SLC39A9: variants seen among roughly 807,000 people sequenced by gnomAD.
The protein encoded by SLC39A9 is zinc transporter ZIP9.
A neutral mutation model predicts 28.4 loss-of-function variants in SLC39A9; 14 were observed. The observed-to-expected ratio is 0.49, with a 90% CI of 0.33 to 0.77. The LOEUF (loss-of-function observed/expected upper bound fraction) is 0.77. Among genes scored for constraint, SLC39A9 ranks in the 30% least tolerant of loss-of-function variants. The probability of loss-of-function intolerance (pLI) is 0.02; values close to 1 mark genes in which losing one functional copy is unlikely to be tolerated. For missense variants in SLC39A9, 283 were observed against 381.1 expected (o/e 0.74, Z 2.14); for synonymous variants, 119 against 149.6 (o/e 0.80, Z 1.49).
intron 2 of SLC39A9, among the ~76,000 whole-genome samples, chr14:69,435,503 C>A (rs1251168562): frequency 6.6e-6 from 1 of 152,128 alleles, no homozygotes; most frequent in Admixed American, 6.5e-5. Flanking sequence ...AGTTTGACAA[C>A]CTCTGTCTTC....
intron 1 of SLC39A9, 103 bp downstream of exon 1, chr14:69,399,568 G>T: frequency 3.7e-6 from 3 of 813,008 alleles, no homozygotes; most frequent in Non-Finnish European, 6.1e-6. Flanking sequence ...AAAGCTGAAG[G>T]TCTCATTAAG....
chr14:69,416,998 G>A (rs1308606663), intron 1 of SLC39A9, among the ~76,000 whole-genome samples: 2 of 152,140 alleles, frequency 1.3e-5, no homozygotes, highest in East Asian at 3.8e-4. Flanking sequence ...TGTCTATTTT[G>A]ACTTTTGTTG....
chr14:69,447,020 T>C lies in SLC39A9; in HGVS notation c.403+4754T>C, dbSNP rs898196008. 3.3e-5 allele frequency among the ~76,000 whole-genome samples: 5 copies of C among 151,250 alleles called. No homozygotes were observed. The East Asian group carries it at 5.8e-4, about 18-fold the overall frequency. On this transcript the variant is annotated intron_variant, in intron 3 of 6. Coordinates refer to ENST00000336643, the MANE Select transcript of SLC39A9 (RefSeq NM_018375.5). ...ATAGTAGAATGCTCCAATTATTAAA[T>C]GTAGAAAGAGTGCTGGAGTTGGAAA...
chr14:69,453,512 T>C (rs528370008), intron 4 of SLC39A9, among the ~76,000 whole-genome samples: 61 of 152,092 alleles, frequency 4.0e-4, no homozygotes, highest in South Asian at 8.3e-4. Flanking sequence ...TTCTATACTT[T>C]TTAATGGTTT....
rs933701425 is a variant in SLC39A9, at chr14:69,460,201, T to C, written c.*1608T>C. On this transcript the variant is annotated 3_prime_UTR_variant, in exon 7 of 7. Coordinates refer to ENST00000336643, the MANE Select transcript of SLC39A9 (RefSeq NM_018375.5). Reference sequence around the variant, plus strand: ...CTTCAGGGCAGTGGACGTAGTAGTTTGTAAAAACGTTTTCTATGACGCATA... The same window carrying C: ...CTTCAGGGCAGTGGACGTAGTAGTTCGTAAAAACGTTTTCTATGACGCATA... 7.1e-6 allele frequency: 7 copies of C among 985,774 alleles called. No homozygotes were observed. The South Asian group carries it at 2.8e-4, about 40-fold the overall frequency. The allele number at this position is 985,774 out of a possible 1,614,324, so 61.1% of individuals were successfully genotyped here.
rs531098197 is a variant in SLC39A9, at chr14:69,448,058, C to CA, written c.404-5176dup. Reference sequence around the variant, plus strand: ...TGAAACCTCGTCTCTACTAAAAATACAAAAAAATTAGCCAGGCGTGTTGGC... The same window carrying CA: ...TGAAACCTCGTCTCTACTAAAAATACAAAAAAAATTAGCCAGGCGTGTTGGC... On this transcript the variant is annotated intron_variant, in intron 3 of 6. Coordinates refer to ENST00000336643, the MANE Select transcript of SLC39A9 (RefSeq NM_018375.5). Among the ~76,000 whole-genome samples the CA allele has an allele frequency of 1.5e-3, 225 of 151,304 alleles. 2 individuals carry two copies. Among genetic ancestry groups the CA allele is most frequent in the Middle Eastern group, 0.01 (3 of 294 alleles).
chr14:69,453,698 G>A (rs1052641289), intron 4 of SLC39A9, among the ~76,000 whole-genome samples: 1 of 152,182 alleles, frequency 6.6e-6, no homozygotes, highest in East Asian at 1.9e-4. Flanking sequence ...GTTTGTTTGA[G>A]TGATGAAAAT....
chr14:69,417,287 G>T (rs1883628717), intron 1 of SLC39A9, among the ~76,000 whole-genome samples: 1 of 152,260 alleles, frequency 6.6e-6, no homozygotes, highest in South Asian at 2.1e-4. Context: ...GTTTGTAGAT[G>T]TGTGGTGTTA....
At chr14:69,400,489 A>C (rs1882573676) in intron 1 of SLC39A9, among the ~76,000 whole-genome samples, 1 of 152,228 alleles carries the variant, frequency 6.6e-6, no homozygotes, top group Non-Finnish European at 1.5e-5. Flanking sequence ...GGGGGGAAAA[A>C]CTACTACATT....
chr14:69,458,859 T>A lies in SLC39A9; in HGVS notation c.*266T>A. ...ACATTTTGCGTTTTAATATTTCTCT[T>A]AACCCTATTCTCAGGGAAGATGGAA... On this transcript the variant is annotated 3_prime_UTR_variant, in exon 7 of 7. Coordinates refer to ENST00000336643, the MANE Select transcript of SLC39A9 (RefSeq NM_018375.5). 8.4e-7 allele frequency: 1 copy of A among 1,196,272 alleles called. No homozygotes were observed. The highest frequency in any genetic ancestry group is 3.7e-5 in the East Asian group (1 of 27,394). 74.1% of individuals were successfully genotyped at this position (1,196,272 alleles called of 1,614,324 possible). A position where few individuals can be genotyped will look rare whatever the true frequency, so the allele number is the denominator to read the frequency against.
At chr14:69,415,232 T>G (rs1230418419) in intron 1 of SLC39A9, among the ~76,000 whole-genome samples, 1 of 152,268 alleles carries the variant, frequency 6.6e-6, no homozygotes, top group Non-Finnish European at 1.5e-5. Flanking sequence ...TGTACCATTT[T>G]ATGCTGCCAC....
intron 2 of SLC39A9, chr14:69,428,672 A>G (rs551345325): frequency 1.3e-5 from 2 of 152,764 alleles, no homozygotes; most frequent in East Asian, 3.9e-4. Flanking sequence ...GAATTGTAAC[A>G]GAAGATGAAA....
rs532639007 is a variant in SLC39A9 at position 69,416,687 on chromosome 14, C to T, written c.97-7407C>T. Among the ~76,000 whole-genome samples the T allele has an allele frequency of 1.8e-3, 277 of 152,278 alleles. 1 individual carries two copies. The highest frequency in any genetic ancestry group is 3.0e-3 in the Non-Finnish European group (206 of 68,008). On this transcript the variant is annotated intron_variant, in intron 1 of 6. Transcript: ENST00000336643. ...TTCTAACTGGTGTGAGATGGTATCT[C>T]ATTGTGGTTTTGATTTGCATTTCTC...
Position 69,407,319 on chromosome 14 carries a change from CCTTCCTTCCTTT to C in SLC39A9, c.96+7871_96+7882del, listed in dbSNP as rs773105504. 1.5e-3 allele frequency among the ~76,000 whole-genome samples: 228 copies of C among 149,456 alleles called. 1 individual carries two copies. Among genetic ancestry groups the C allele is most frequent in the Middle Eastern group, 3.4e-3 (1 of 294 alleles). On this transcript the variant is annotated intron_variant, in intron 1 of 6. Transcript: ENST00000336643. ...CCTTCCTTCCCTTCCTTCCTTCCTT[CCTTCCTTCCTTT>C]CTTCCTTCCTTTCTTCTTTCCTTCC... is the stretch of plus-strand genomic sequence containing the variant.
At position 69,460,148 on chromosome 14, in the gene SLC39A9, T is replaced by C; in HGVS notation, c.*1555T>C. 1 of 985,590 alleles carries C rather than the reference T, an allele frequency of 1.0e-6. No homozygotes were observed. The highest frequency in any genetic ancestry group is 1.2e-6 in the Non-Finnish European group (1 of 829,668). The allele number at this position is 985,590 out of a possible 1,614,324, so 61.1% of individuals were successfully genotyped here. On this transcript the variant is annotated 3_prime_UTR_variant, in exon 7 of 7. Transcript: ENST00000336643. ...CTTTCTATACCATTTCAAAACACAT[T>C]ACACTAAGGGGGAACCAAGACTAGT... is the stretch of plus-strand genomic sequence containing the variant.
intron 1 of SLC39A9, among the ~76,000 whole-genome samples, chr14:69,415,212 C>T (rs900786963): frequency 1.3e-5 from 2 of 152,180 alleles, no homozygotes; most frequent in Non-Finnish European, 2.9e-5. Context: ...TGCTAATTTT[C>T]CAAAGTGGTT....
rs1882471220 is a variant in SLC39A9, at chr14:69,399,036, C to T, written c.-334C>T. The T allele has an allele frequency of 1.1e-5, 3 of 266,022 alleles. No homozygotes were observed. The South Asian group carries it at 1.2e-4, about 11-fold the overall frequency. The allele number at this position is 266,022 out of a possible 1,614,324, so 16.5% of individuals were successfully genotyped here. On this transcript the variant is annotated 5_prime_UTR_variant, in exon 1 of 7. Transcript: ENST00000336643. Reference sequence around the variant, plus strand: ...AGACATTGTGCCACCCTCAATCCGACAATCGAAGAAATCGATCATTCGCAC... The same window carrying T: ...AGACATTGTGCCACCCTCAATCCGATAATCGAAGAAATCGATCATTCGCAC...
rs146337236 is a variant in SLC39A9 at position 69,446,598 on chromosome 14, C to T, written c.403+4332C>T. Among the ~76,000 whole-genome samples the T allele has an allele frequency of 4.6e-3, 706 of 152,086 alleles. 4 individuals carry two copies. Among genetic ancestry groups the T allele is most frequent in the African/African-American group, 0.016 (675 of 41,480 alleles). On this transcript the variant is annotated intron_variant, in intron 3 of 6. Transcript: ENST00000336643. ...TTCAAAAAATGGGAATCTGGCTGGG[C>T]GCGGTGGCTCACACCTGTAATCCCA...
chr14:69,459,613 AATACT>A lies in SLC39A9; in HGVS notation c.*1022_*1026del. ...GATCAGCAATCCCTCTAGGGACCTA[AATACT>A]AGGTCAGCTTTGGCGACACTGTGTC... is the stretch of plus-strand genomic sequence containing the variant. On this transcript the variant is annotated 3_prime_UTR_variant, in exon 7 of 7. Transcript: ENST00000336643. 1.0e-5 allele frequency: 10 copies of A among 977,642 alleles called. No homozygotes were observed. Among genetic ancestry groups the A allele is most frequent in the Non-Finnish European group, 1.2e-5 (10 of 823,382 alleles). 60.6% of individuals were successfully genotyped at this position (977,642 alleles called of 1,614,324 possible).
Sources: allele counts gnomAD v4.1 joint callset (sites outside exome capture counted in the v4.1 genomes callset), GRCh38; gene constraint gnomAD v4.1.1; transcripts MANE v1.5; gene names NCBI Gene and HGNC (gene_info 2026-07-23, HGNC 2026-07-21).